CNTNAP2: variants seen among roughly 807,000 people sequenced by gnomAD.
CNTNAP2 encodes contactin associated protein 2.
CNTNAP2 carries 98 observed loss-of-function variants against 155.2 expected under a neutral mutation model. The observed-to-expected ratio is 0.63, with a 90% confidence interval of 0.54 to 0.75. The LOEUF is 0.75. CNTNAP2 is among the 30% of genes least tolerant of loss of function. CNTNAP2 has a pLI of 0.00. For missense variants in CNTNAP2, 1,727 were observed against 1,688.1 expected (o/e 1.02, Z -0.40); for synonymous variants, 651 against 631.2 (o/e 1.03, Z -0.47).
At chr7:148,076,175 C>A (rs1803479496) in intron 15 of CNTNAP2, among the ~76,000 whole-genome samples, 1 of 152,150 alleles carries the variant, frequency 6.6e-6, no homozygotes, top group Non-Finnish European at 1.5e-5. Context: ...TCAAGGGTGG[C>A]AAATACTGTC....
chr7:146,698,499 A>T (rs1391380530), intron 1 of CNTNAP2, among the ~76,000 whole-genome samples: 1 of 152,056 alleles, frequency 6.6e-6, no homozygotes, highest in African/African-American at 2.4e-5. Flanking sequence ...ACATGATTCT[A>T]TACAGTGTTG....
intron 16 of CNTNAP2, among the ~76,000 whole-genome samples, chr7:148,142,185 C>T (rs1805088579): frequency 6.8e-6 from 1 of 146,578 alleles, no homozygotes; most frequent in Admixed American, 6.9e-5. Flanking sequence ...AGAGTGGTGT[C>T]CTTGAGCTGG....
chr7:147,002,752 T>C (rs1049442636), intron 3 of CNTNAP2, among the ~76,000 whole-genome samples: 2 of 151,726 alleles, frequency 1.3e-5, no homozygotes, highest in African/African-American at 4.8e-5. Context: ...TGTCCTTACA[T>C]GTGGAAGAAT....
intron 13 of CNTNAP2, among the ~76,000 whole-genome samples, chr7:147,874,440 G>A (rs1336900308): frequency 2.0e-5 from 3 of 152,230 alleles, no homozygotes; most frequent in Admixed American, 2.0e-4. Flanking sequence ...CTTGGGGTTT[G>A]TGCCCTCTGA....
chr7:148,331,762 A>AG lies in CNTNAP2; in HGVS notation c.3476-51887_3476-51886insG, dbSNP rs1478477620. Among the ~76,000 whole-genome samples the AG allele has an allele frequency of 9.3e-4, 131 of 141,138 alleles. 21 individuals are homozygous for AG. Among genetic ancestry groups the AG allele is most frequent in the African/African-American group, 1.3e-3 (47 of 37,550 alleles). The allele number at this position is 141,138 out of a possible 152,430, so 92.6% of individuals were successfully genotyped here. On this transcript the variant is annotated intron_variant, in intron 21 of 23. Coordinates refer to ENST00000361727, the MANE Select transcript of CNTNAP2 (RefSeq NM_014141.6). Reference sequence around the variant, plus strand: ...GTGGATGGATGGAACGGACGGATGGATTGGATGGATGGAATGGACAGATGG... The same window carrying AG: ...GTGGATGGATGGAACGGACGGATGGAGTTGGATGGATGGAATGGACAGATGG...
In CNTNAP2 at chr7:147,734,270, T is replaced by G. The variant is rs187576159; in HGVS notation, c.2098+94964T>G. On this transcript the variant is annotated intron_variant, in intron 13 of 23. Transcript: ENST00000361727. ...AAGGCCTTTTCTGCATCTATTGAGA[T>G]AATCATGTGGTTTTTGTCGTTGGTT... Among the ~76,000 whole-genome samples, 873 of 152,342 alleles carry G rather than the reference T, an allele frequency of 5.7e-3. 7 individuals carry two copies. The highest frequency in any genetic ancestry group is 0.02 in the African/African-American group (832 of 41,582).
chr7:146,603,239 C>A (rs347186), intron 1 of CNTNAP2, among the ~76,000 whole-genome samples: 1 of 150,908 alleles, frequency 6.6e-6, no homozygotes, highest in African/African-American at 2.4e-5. Context: ...GGTGAAACCC[C>A]GTCTCTACTA....
intron 1 of CNTNAP2, among the ~76,000 whole-genome samples, chr7:146,694,411 T>G (rs1800748607): frequency 6.6e-6 from 1 of 152,208 alleles, no homozygotes; most frequent in African/African-American, 2.4e-5. Flanking sequence ...AACTATTGAT[T>G]ATATTTGTGT....
intron 13 of CNTNAP2, among the ~76,000 whole-genome samples, chr7:147,875,641 C>G (rs1261304009): frequency 6.6e-6 from 1 of 152,066 alleles, no homozygotes; most frequent in Non-Finnish European, 1.5e-5. Flanking sequence ...ACCGTAATCA[C>G]AGCACTTTGG....
At chr7:146,934,986 G>T (rs1017135990) in intron 3 of CNTNAP2, among the ~76,000 whole-genome samples, 1 of 152,222 alleles carries the variant, frequency 6.6e-6, no homozygotes, top group African/African-American at 2.4e-5. Flanking sequence ...ATTTGCTATT[G>T]TGACATTGAT....
At chr7:148,092,879 T>TAAA (rs11321148) in intron 15 of CNTNAP2, among the ~76,000 whole-genome samples, 4 of 122,716 alleles carry the variant, frequency 3.3e-5, no homozygotes, top group African/African-American at 8.8e-5. Flanking sequence ...AGTCTCAATT[T>TAAA]AAAAAAAAAA....
chr7:146,768,361 G>T (rs2129184979), intron 1 of CNTNAP2, among the ~76,000 whole-genome samples: 1 of 151,898 alleles, frequency 6.6e-6, no homozygotes, highest in Non-Finnish European at 1.5e-5. Context: ...TCCCAACTCA[G>T]TGCTCCAGGA....
chr7:146,498,355 C>T (rs1270907338), intron 1 of CNTNAP2, among the ~76,000 whole-genome samples: 1 of 152,108 alleles, frequency 6.6e-6, no homozygotes, highest in Non-Finnish European at 1.5e-5. Flanking sequence ...CCACCATAAG[C>T]CTGCCCTAAT....
chr7:146,657,610 CTCTTA>C (rs1289415655), intron 1 of CNTNAP2, among the ~76,000 whole-genome samples: 5 of 152,052 alleles, frequency 3.3e-5, no homozygotes, highest in African/African-American at 9.7e-5. Flanking sequence ...GATTTTGACC[CTCTTA>C]TCTTTGAATA....
chr7:146,248,256 G>T (rs1799696741), intron 1 of CNTNAP2, among the ~76,000 whole-genome samples: 1 of 151,730 alleles, frequency 6.6e-6, no homozygotes, highest in South Asian at 2.1e-4. Context: ...GCCGCTCAGG[G>T]TGAAGGAGAA....
chr7:147,983,124 C>G (rs1801561142), intron 15 of CNTNAP2, among the ~76,000 whole-genome samples: 1 of 151,672 alleles, frequency 6.6e-6, no homozygotes, highest in Non-Finnish European at 1.5e-5. Flanking sequence ...GCGCACATGG[C>G]AGTAACTCTC....
At chr7:146,626,929 T>G (rs1356685419) in intron 1 of CNTNAP2, among the ~76,000 whole-genome samples, 8 of 152,110 alleles carry the variant, frequency 5.3e-5, no homozygotes, top group Non-Finnish European at 1.2e-4. Context: ...TAACATTGCT[T>G]CTTTTGTAAT....
At chr7:148,351,314 C>G (rs1798420219) in intron 21 of CNTNAP2, among the ~76,000 whole-genome samples, 1 of 152,036 alleles carries the variant, frequency 6.6e-6, no homozygotes, top group Non-Finnish European at 1.5e-5. Context: ...GGACACGGCA[C>G]TTAAGCAGGA....
At chr7:147,087,743 A>C (rs376726153) in intron 4 of CNTNAP2, among the ~76,000 whole-genome samples, 4 of 152,024 alleles carry the variant, frequency 2.6e-5, no homozygotes, top group Non-Finnish European at 5.9e-5. Flanking sequence ...TTGGGAGGCC[A>C]AGGTAGGTGG....
Sources: gnomAD v4.1 joint callset for allele counts (sites outside exome capture counted in the v4.1 genomes callset) on GRCh38, gnomAD v4.1.1 for gene constraint, MANE v1.5 for transcripts, NCBI Gene and HGNC (gene_info 2026-07-23, HGNC 2026-07-21) for gene names.